PIEZO1: variants seen among roughly 807,000 people sequenced by gnomAD.
PIEZO1 encodes piezo type mechanosensitive ion channel component 1 (Er blood group).
PIEZO1 carries 296 observed loss-of-function variants against 297.2 expected under a neutral mutation model. The ratio of observed to expected loss-of-function variants is 1.00; its 90% CI spans 0.91 to 1.10. The LOEUF (loss-of-function observed/expected upper bound fraction) is 1.10, where lower values mean the gene tolerates loss of function less well. Among genes scored for constraint, PIEZO1 ranks in the 50% least tolerant of loss-of-function variants. The pLI, the probability that PIEZO1 is intolerant of heterozygous loss-of-function variation, is 0.00. For synonymous variants in PIEZO1, 2,427 were observed against 1,507.5 expected (o/e 1.61, Z -14.13); for missense variants, 5,018 against 3,455.5 (o/e 1.45, Z -11.34).
At position 88,723,168 on chromosome 16, in the gene PIEZO1, GGTGA is replaced by G; in HGVS notation, c.4439-21_4439-18del. 6.5e-7 allele frequency: 1 copy of G among 1,549,446 alleles called. No homozygotes were observed. Among genetic ancestry groups the G allele is most frequent in the Non-Finnish European group, 8.7e-7 (1 of 1,146,820 alleles). On this transcript the variant is annotated intron_variant, in intron 32 of 50. Transcript: ENST00000301015. ...GACCACCTCCTGGGCACAGGATGCT[GGTGA>G]GTGACTGGCAGTCCCGCGGCTTCCC...
intron 30 of PIEZO1, 142 bp downstream of exon 30, chr16:88,724,867 C>G (rs900460403): frequency 1.8e-6 from 1 of 557,550 alleles, no homozygotes; most frequent in African/African-American, 2.0e-5. Flanking sequence ...AGGCACCCCC[C>G]GACCCAGGAG....
intron 44 of PIEZO1, chr16:88,718,156 G>A (rs953570789): frequency 2.8e-5 from 5 of 180,264 alleles, no homozygotes; most frequent in East Asian, 1.7e-4. Context: ...ATGAAAAGAC[G>A]CTCAGCGTCG....
chr16:88,740,289 C>G (rs143403096), intron 5 of PIEZO1: 1 of 152,434 alleles, frequency 6.6e-6, no homozygotes, highest in Non-Finnish European at 1.5e-5. Flanking sequence ...CCAGCTCACT[C>G]TGAAGTCTGT....
At position 88,722,649 on chromosome 16, in the gene PIEZO1, G is replaced by C; in HGVS notation, c.4709C>G (p.Thr1570Arg). 26 of 1,538,682 alleles carry C rather than the reference G, an allele frequency of 1.7e-5. No individual in the cohort carries two copies. The highest frequency in any genetic ancestry group is 2.3e-5 in the Non-Finnish European group (26 of 1,146,456). The change falls in exon 35 of 51, where the codon ACA becomes AGA. Residue 1570 changes from threonine to arginine, a missense_variant. Thr to Arg is a moderately conservative substitution (Grantham distance 71). Coordinates refer to ENST00000301015, the MANE Select transcript of PIEZO1 (RefSeq NM_001142864.4). ...VHRGVLDQLYTSQAEATLPGP... is the reference protein window; with the variant it reads ...VHRGVLDQLYRSQAEATLPGP... ...TGGCAGCGTGGCCTCGGCCTGGCTT[G>C]TGTACAGCTGATCCAGCACGCCCCT...
At chr16:88,731,959 A>ATGCACTGAGTCTGGGGGGGGGGGG (rs1482630762) in intron 21 of PIEZO1, 49 bp from the exon 22 acceptor site, 1 of 63,334 alleles carries the variant, frequency 1.6e-5, no homozygotes, top group African/African-American at 1.8e-4. Context: ...GTCTGGGGGG[A>ATGCACTGAGTCTGGGGGGGGGGGG]GGGACTTTCT....
Position 88,716,791 on chromosome 16 carries a change from G to T in PIEZO1, c.6753+15C>A. The T allele has an allele frequency of 6.5e-7, 1 of 1,549,620 alleles. No homozygotes were observed. The highest frequency in any genetic ancestry group is 1.2e-5 in the South Asian group (1 of 84,068). ...GCCTCCCCACACCAGCTTTCACAGGGCAGAGGCCACTTACCGGCTGGGGGT... is the reference window on the plus strand; with the variant it reads ...GCCTCCCCACACCAGCTTTCACAGGTCAGAGGCCACTTACCGGCTGGGGGT... On this transcript the variant is annotated intron_variant, in intron 46 of 50. Coordinates refer to ENST00000301015, the MANE Select transcript of PIEZO1 (RefSeq NM_001142864.4).
At chr16:88,776,335 G>T (rs1040320631) in intron 1 of PIEZO1, among the ~76,000 whole-genome samples, 1 of 152,184 alleles carries the variant, frequency 6.6e-6, no homozygotes, top group Non-Finnish European at 1.5e-5. Flanking sequence ...TCGGGAGGCT[G>T]AGGAAGGAGA....
intron 1 of PIEZO1, among the ~76,000 whole-genome samples, chr16:88,778,103 C>T (rs1420467215): frequency 5.9e-5 from 9 of 152,252 alleles, no homozygotes; most frequent in African/African-American, 1.7e-4. Flanking sequence ...GGAGGGAGGG[C>T]GGACAAACAC....
intron 1 of PIEZO1, among the ~76,000 whole-genome samples, chr16:88,752,950 C>G (rs988847065): frequency 1.3e-5 from 2 of 152,002 alleles, no homozygotes; most frequent in African/African-American, 4.8e-5. Context: ...CGGGCTTGGT[C>G]TAGGGTCCGG....
At position 88,723,981 on chromosome 16, in the gene PIEZO1, G is replaced by A; in HGVS notation, c.4235-10C>T. The A allele has an allele frequency of 6.7e-7, 1 of 1,498,872 alleles. No individual in the cohort carries two copies. The highest frequency in any genetic ancestry group is 9.1e-7 in the Non-Finnish European group (1 of 1,100,152). The allele number at this position is 1,498,872 out of a possible 1,614,324, so 92.8% of individuals were successfully genotyped here. A position where few individuals can be genotyped will look rare whatever the true frequency, so the allele number is the denominator to read the frequency against. ...TCCCCGGAGTGGATGACTGTGGGCA[G>A]GCAGCACTGAGAGCCAGCCTTCCAT... On this transcript the variant is annotated splice_polypyrimidine_tract_variant and intron_variant, in intron 30 of 50. Coordinates refer to ENST00000301015, the MANE Select transcript of PIEZO1 (RefSeq NM_001142864.4).
At chr16:88,755,708 A>C (rs1906621253) in intron 1 of PIEZO1, among the ~76,000 whole-genome samples, 1 of 152,136 alleles carries the variant, frequency 6.6e-6, no homozygotes, top group Non-Finnish European at 1.5e-5. Flanking sequence ...GCCTACCCTC[A>C]AAGCTCCCAT....
Position 88,731,695 on chromosome 16 carries a change from G to C in PIEZO1, c.3196+11C>G, listed in dbSNP as rs1252999858. ...CAAAGCCCACTCCCACCCAAGCCAC[G>C]TGCCCCTCACCAATGCACAGGGCCG... is the stretch of plus-strand genomic sequence containing the variant. On this transcript the variant is annotated intron_variant, in intron 22 of 50. Transcript: ENST00000301015. The C allele has an allele frequency of 1.3e-6, 2 of 1,546,732 alleles. No individual in the cohort carries two copies. The highest frequency in any genetic ancestry group is 2.0e-5 in the Admixed American group (1 of 50,918).
intron 1 of PIEZO1, among the ~76,000 whole-genome samples, chr16:88,774,859 T>C (rs1433179686): frequency 6.6e-6 from 1 of 152,152 alleles, no homozygotes. Flanking sequence ...TCCTGGGCGC[T>C]GAAACCACCC....
intron 1 of PIEZO1, among the ~76,000 whole-genome samples, chr16:88,755,805 G>C (rs1374174553): frequency 7.9e-5 from 12 of 152,234 alleles, no homozygotes; most frequent in Non-Finnish European, 1.5e-5. Context: ...GGAGAGCCTC[G>C]GGCGGTGGAC....
At chr16:88,775,998 A>G (rs1406629582) in intron 1 of PIEZO1, among the ~76,000 whole-genome samples, 2 of 152,178 alleles carry the variant, frequency 1.3e-5, no homozygotes, top group Non-Finnish European at 2.9e-5. Context: ...GCCTGGCTCC[A>G]GCATGCGCAG....
chr16:88,738,146 C>G (rs1374406543), intron 7 of PIEZO1, 41 bp from the exon 8 acceptor site: 14 of 1,535,284 alleles, frequency 9.1e-6, no homozygotes, highest in Non-Finnish European at 1.0e-5. Context: ...ACCCCAGAGG[C>G]AGTGGGGCCA....
chr16:88,725,758 C>T, intron 27 of PIEZO1, 74 bp from the exon 28 acceptor site: 3 of 807,184 alleles, frequency 3.7e-6, no homozygotes, highest in Non-Finnish European at 6.3e-6. Context: ...CCGCTCCCCG[C>T]TCAGCCCGGG....
intron 2 of PIEZO1, among the ~76,000 whole-genome samples, chr16:88,744,909 G>A (rs188269271): frequency 7.9e-5 from 12 of 152,082 alleles, no homozygotes; most frequent in Admixed American, 5.2e-4. Flanking sequence ...CAGAGGGATC[G>A]AGGCTCTGCT....
chr16:88,732,404 C>G lies in PIEZO1; in HGVS notation c.2922G>C (p.Gln974His), dbSNP rs1486539620. The stretch of plus-strand genomic sequence containing the variant: ...GGCAGCCGAGCAGATCCTGGTCCAG[C>G]TGCTGGCGGGTGCCGCTGGCAAACA... Reference protein sequence around the residue: ...QAVFASGTRQQLDQDLLGCLK... With the variant: ...QAVFASGTRQHLDQDLLGCLK... Residue 974 changes from glutamine (Q) to histidine (H), a missense_variant, in exon 21 of 51, where the codon CAG becomes CAC. Transcript: ENST00000301015. The G allele has an allele frequency of 6.5e-7, 1 of 1,549,836 alleles. No homozygotes were observed.
Sources: allele counts gnomAD v4.1 joint callset (sites outside exome capture counted in the v4.1 genomes callset), GRCh38; gene constraint gnomAD v4.1.1; transcripts MANE v1.5; gene names NCBI Gene and HGNC (gene_info 2026-07-23, HGNC 2026-07-21).